ZNF804B: variants seen among roughly 807,000 people sequenced by gnomAD.
The protein encoded by ZNF804B is zinc finger protein 804B, also known as zinc finger 804B.
A neutral mutation model predicts 101.4 loss-of-function variants in ZNF804B; 80 were observed. That is an observed-to-expected ratio of 0.79 (90% CI 0.66 to 0.95). The LOEUF (loss-of-function observed/expected upper bound fraction) is 0.95. Among genes scored for constraint, ZNF804B ranks in the 40% least tolerant of loss-of-function variants. The pLI, the probability that ZNF804B is intolerant of heterozygous loss-of-function variation, is 0.00. For missense variants in ZNF804B, 1,673 were observed against 1,561.9 expected, an observed-to-expected ratio of 1.07 and a Z score of -1.20; for synonymous variants, 622 against 558.8, an observed-to-expected ratio of 1.11 and a Z score of -1.59.
intron 1 of ZNF804B, among the ~76,000 whole-genome samples, chr7:89,029,993 G>A (rs558385430): frequency 2.0e-5 from 3 of 152,198 alleles, no homozygotes; most frequent in Admixed American, 2.0e-4. Flanking sequence ...AATATATCAG[G>A]GTTGTGGTTA....
chr7:88,764,364 C>T (rs1789948043), intron 1 of ZNF804B, among the ~76,000 whole-genome samples: 1 of 152,048 alleles, frequency 6.6e-6, no homozygotes, highest in African/African-American at 2.4e-5. Flanking sequence ...TCTGGGAATG[C>T]CTATTGTCTT....
chr7:89,047,485 C>A (rs1210063249), intron 1 of ZNF804B, among the ~76,000 whole-genome samples: 1 of 152,074 alleles, frequency 6.6e-6, no homozygotes, highest in Non-Finnish European at 1.5e-5. Flanking sequence ...ATATTGCAGC[C>A]TTCAGGGTTG....
intron 1 of ZNF804B, among the ~76,000 whole-genome samples, chr7:88,810,462 G>A (rs757439075): frequency 6.6e-6 from 1 of 151,540 alleles, no homozygotes; most frequent in Non-Finnish European, 1.5e-5. Context: ...AGACCAGCCT[G>A]GGCAATATGG....
At chr7:89,230,143 A>G (rs1789167369) in intron 2 of ZNF804B, among the ~76,000 whole-genome samples, 2 of 152,118 alleles carry the variant, frequency 1.3e-5, no homozygotes, top group Non-Finnish European at 2.9e-5. Flanking sequence ...AGCAAATTAA[A>G]TTCAAAGTAA....
rs754365288 is a variant in ZNF804B at position 89,334,432 on chromosome 7, C to T, written c.1450C>T (p.Leu484Phe). ...CAACCCACTGTATTTTGATTTTAAG[C>T]TTTCTCGGAACACAAAGGAAGACCA... ...GCNPLYFDFK[L>F]SRNTKEDHNL... is the part of the protein sequence containing the mutation. The change falls in exon 4 of 4, where the codon CTT (leucine) becomes TTT (phenylalanine). Residue 484 changes from leucine to phenylalanine, a missense_variant. Physicochemically the swap from Leu to Phe is conservative, Grantham distance 22. Coordinates refer to ENST00000333190, the MANE Select transcript of ZNF804B (RefSeq NM_181646.5). The T allele has an allele frequency of 5.4e-5, 87 of 1,613,680 alleles. No individual in the cohort carries two copies. The highest frequency in any genetic ancestry group is 8.0e-5 in the African/African-American group (6 of 74,966).
intron 1 of ZNF804B, among the ~76,000 whole-genome samples, chr7:88,839,944 C>G (rs1361342827): frequency 6.6e-6 from 1 of 152,072 alleles, no homozygotes; most frequent in Non-Finnish European, 1.5e-5. Context: ...AGTTTGGCTC[C>G]TTGGGTGCTA....
intron 2 of ZNF804B, among the ~76,000 whole-genome samples, chr7:89,322,318 T>G (rs1790833257): frequency 6.6e-6 from 1 of 152,188 alleles, no homozygotes; most frequent in African/African-American, 2.4e-5. Flanking sequence ...TGAGTCAGTA[T>G]AAACGTTTCT....
intron 1 of ZNF804B, among the ~76,000 whole-genome samples, chr7:88,920,483 G>A (rs1792704457): frequency 6.6e-6 from 1 of 151,946 alleles, no homozygotes; most frequent in African/African-American, 2.4e-5. Flanking sequence ...TTTGGATTTA[G>A]AAAGCAGCTT....
rs561608966 is a variant in ZNF804B, at chr7:89,056,091, C to A, written c.109-162064C>A. Among the ~76,000 whole-genome samples the A allele has an allele frequency of 2.0e-5, 3 of 152,164 alleles. No individual in the cohort carries two copies. In the East Asian group the frequency reaches 5.8e-4, roughly 29 times the overall value. ...GAGATGCAAGACAAGGTTAGAGGAG[C>A]ATTGATTCTGAGTCATCTTCAAAAG... On this transcript the variant is annotated intron_variant, in intron 1 of 3. Coordinates refer to ENST00000333190, the MANE Select transcript of ZNF804B (RefSeq NM_181646.5).
chr7:88,994,432 A>G (rs1270248883), intron 1 of ZNF804B, among the ~76,000 whole-genome samples: 1 of 152,050 alleles, frequency 6.6e-6, no homozygotes, highest in Non-Finnish European at 1.5e-5. Flanking sequence ...TTTTTCAGCT[A>G]TTTCATGACA....
chr7:89,335,174 T>C lies in ZNF804B; in HGVS notation c.2192T>C (p.Phe731Ser). 2 of 1,613,860 alleles carry C rather than the reference T, an allele frequency of 1.2e-6. No homozygotes were observed. The highest frequency in any genetic ancestry group is 1.7e-6 in the Non-Finnish European group (2 of 1,179,928). Residue 731 changes from phenylalanine (F) to serine (S), a missense_variant, in exon 4 of 4, where the codon TTC becomes TCC. By Grantham distance (155) the Phe-to-Ser change is radical. Transcript: ENST00000333190. ...SLRSTCSSHR[F>S]NGNSRGNLLC... ...AGAAGTACTTGTTCAAGTCATAGAT[T>C]CAATGGTAATAGCAGAGGTAATTTG...
At chr7:89,006,292 C>T (rs1005317135) in intron 1 of ZNF804B, among the ~76,000 whole-genome samples, 1 of 151,978 alleles carries the variant, frequency 6.6e-6, no homozygotes, top group Admixed American at 6.6e-5. Flanking sequence ...TTTCCCTCTG[C>T]TTAATTCCAT....
chr7:88,874,891 T>C (rs994131229), intron 1 of ZNF804B, among the ~76,000 whole-genome samples: 4 of 145,684 alleles, frequency 2.7e-5, no homozygotes, highest in Non-Finnish European at 4.5e-5. Flanking sequence ...TATTCCAAAA[T>C]TGACCACATA....
Position 89,099,599 on chromosome 7 carries a change from C to T in ZNF804B, c.109-118556C>T, listed in dbSNP as rs140375583. Among the ~76,000 whole-genome samples, 43 of 152,204 alleles carry T rather than the reference C, an allele frequency of 2.8e-4. No homozygotes were observed. In the East Asian group the frequency reaches 6.8e-3, roughly 24 times the overall value. Reference sequence around the variant, plus strand: ...TCAAACCACCATAATGGAAATGTTGCAATTGATAGGCATGGTGATCAAGAG... The same window carrying T: ...TCAAACCACCATAATGGAAATGTTGTAATTGATAGGCATGGTGATCAAGAG... On this transcript the variant is annotated intron_variant, in intron 1 of 3. Transcript: ENST00000333190.
intron 1 of ZNF804B, among the ~76,000 whole-genome samples, chr7:88,971,516 C>T (rs1304529916): frequency 6.6e-6 from 1 of 151,518 alleles, no homozygotes; most frequent in East Asian, 2.0e-4. Context: ...ATACTTGTTC[C>T]ATTCACCCTT....
chr7:89,300,658 A>G (rs1489051957), intron 2 of ZNF804B, among the ~76,000 whole-genome samples: 1 of 151,900 alleles, frequency 6.6e-6, no homozygotes, highest in Non-Finnish European at 1.5e-5. Context: ...AGAGAGAGGC[A>G]GAGTAGAGAG....
intron 2 of ZNF804B, among the ~76,000 whole-genome samples, chr7:89,266,877 T>TTGTGTGTGTGTGTG (rs66604616): frequency 0.21 from 31,784 of 150,828 alleles, 3,643 homozygotes; most frequent in African/African-American, 0.3. Context: ...GTGTCTGTGT[T>TTGTGTGTGTGTGTG]TGTGTGTGTG....
In ZNF804B at chr7:89,264,256, A is replaced by C. The variant is rs1242314982; in HGVS notation, c.249+45961A>C. Among the ~76,000 whole-genome samples the C allele has an allele frequency of 2.0e-5, 3 of 152,176 alleles. No homozygotes were observed. In the East Asian group the frequency reaches 5.8e-4, roughly 29 times the overall value. On this transcript the variant is annotated intron_variant, in intron 2 of 3. Coordinates refer to ENST00000333190, the MANE Select transcript of ZNF804B (RefSeq NM_181646.5). ...ACAGAGCCAAGCCTCTTTGAAATAA[A>C]AAATCCTGCAGGTTTAACAAATCAC...
At chr7:88,893,220 G>T (rs1200393258) in intron 1 of ZNF804B, among the ~76,000 whole-genome samples, 1 of 151,922 alleles carries the variant, frequency 6.6e-6, no homozygotes, top group Non-Finnish European at 1.5e-5. Context: ...TTTTATTATA[G>T]TTTCTGACCT....
Sources: gnomAD v4.1 joint callset for allele counts (sites outside exome capture counted in the v4.1 genomes callset) on GRCh38, gnomAD v4.1.1 for gene constraint, MANE v1.5 for transcripts, NCBI Gene and HGNC (gene_info 2026-07-23, HGNC 2026-07-21) for gene names.